Variants in LRRC4C observed in about 807,000 individuals in gnomAD.
LRRC4C encodes leucine rich repeat containing 4C.
A neutral mutation model predicts 33.6 loss-of-function variants in LRRC4C; 5 were observed. The ratio of observed to expected loss-of-function variants is 0.15; its 90% CI spans 0.08 to 0.31. The LOEUF is 0.31. LRRC4C is among the 10% of genes least tolerant of loss of function. The probability of loss-of-function intolerance (pLI) is 1.00; values close to 1 mark genes in which losing one functional copy is unlikely to be tolerated. For missense variants in LRRC4C, 560 were observed against 796.7 expected (o/e 0.70, Z 3.58); for synonymous variants, 329 against 302.0 (o/e 1.09, Z -0.93).
rs535602769 is a variant in LRRC4C, at chr11:40,831,553, T to C, written c.-407+102082A>G. The stretch of plus-strand genomic sequence containing the variant: ...AATTCAATATTAAATTGTGAGTACA[T>C]ATAACTGAAATATATAGGAATAAAA... On this transcript the variant is annotated intron_variant, in intron 2 of 6. Coordinates refer to ENST00000528697, the MANE Select transcript of LRRC4C (RefSeq NM_001258419.2). Among the ~76,000 whole-genome samples the C allele has an allele frequency of 3.0e-4, 45 of 152,274 alleles. No homozygotes were observed. The South Asian group carries it at 8.9e-3, about 30-fold the overall frequency.
chr11:41,339,191 A>G (rs1951552697), intron 1 of LRRC4C, among the ~76,000 whole-genome samples: 1 of 152,228 alleles, frequency 6.6e-6, no homozygotes, highest in Non-Finnish European at 1.5e-5. Flanking sequence ...GATGCTACAG[A>G]GGTAAAATAT....
intron 1 of LRRC4C, among the ~76,000 whole-genome samples, chr11:40,991,204 TAAAAAAAAAA>T (rs1186155913): frequency 2.9e-5 from 3 of 103,340 alleles, no homozygotes; most frequent in Non-Finnish European, 5.7e-5. Context: ...TCCCAATATG[TAAAAAAAAAA>T]AAAAAAAAAA....
chr11:41,075,585 T>A (rs920048755), intron 1 of LRRC4C, among the ~76,000 whole-genome samples: 1 of 152,152 alleles, frequency 6.6e-6, no homozygotes, highest in Non-Finnish European at 1.5e-5. Flanking sequence ...AGCACATTAA[T>A]ACACTATATC....
At chr11:40,406,677 T>C (rs1391376696) in intron 3 of LRRC4C, among the ~76,000 whole-genome samples, 2 of 152,186 alleles carry the variant, frequency 1.3e-5, no homozygotes, top group African/African-American at 4.8e-5. Flanking sequence ...TATGTTAGTT[T>C]TATAATTGCA....
At chr11:40,130,558 C>A (rs890167535) in intron 6 of LRRC4C, among the ~76,000 whole-genome samples, 1 of 152,198 alleles carries the variant, frequency 6.6e-6, no homozygotes, top group Non-Finnish European at 1.5e-5. Flanking sequence ...TCCCCAGTGC[C>A]TACAGAATTA....
At position 40,608,198 on chromosome 11, in the gene LRRC4C, C is replaced by T. The variant is rs867389502; in HGVS notation, c.-270+39944G>A. Among the ~76,000 whole-genome samples, 15 of 152,038 alleles carry T rather than the reference C, an allele frequency of 9.9e-5. No individual in the cohort carries two copies. The South Asian group carries it at 1.0e-3, about 11-fold the overall frequency. ...ACACATTAATTCTAACTATAAAATA[C>T]GTTAATAAATAACTATATTCAAAGC... On this transcript the variant is annotated intron_variant, in intron 3 of 6. Coordinates refer to ENST00000528697, the MANE Select transcript of LRRC4C (RefSeq NM_001258419.2).
chr11:40,989,437 A>G (rs1349708513), intron 1 of LRRC4C, among the ~76,000 whole-genome samples: 2 of 152,162 alleles, frequency 1.3e-5, no homozygotes, highest in Non-Finnish European at 2.9e-5. Flanking sequence ...CTATATTCCC[A>G]CTGCTAATAA....
In LRRC4C at chr11:40,845,668, T is replaced by A. The variant is rs538275064; in HGVS notation, c.-407+87967A>T. ...CTGTGCATGTGTCTTTATAGTAGGATGATTTATAATCCTTTGGGTATATAC... is the reference window on the plus strand; with the variant it reads ...CTGTGCATGTGTCTTTATAGTAGGAAGATTTATAATCCTTTGGGTATATAC... On this transcript the variant is annotated intron_variant, in intron 2 of 6. Transcript: ENST00000528697. Among the ~76,000 whole-genome samples, 71 of 152,338 alleles carry A rather than the reference T, an allele frequency of 4.7e-4. 1 individual carries two copies. The highest frequency in any genetic ancestry group is 1.6e-3 in the African/African-American group (68 of 41,574).
At chr11:41,038,400 C>A (rs1306986988) in intron 1 of LRRC4C, among the ~76,000 whole-genome samples, 2 of 152,146 alleles carry the variant, frequency 1.3e-5, no homozygotes, top group African/African-American at 2.4e-5. Context: ...ATTTCCCTAA[C>A]CTCATTTACA....
In LRRC4C at chr11:40,313,571, A is replaced by G. The variant is rs1172029502; in HGVS notation, c.-176+6057T>C. On this transcript the variant is annotated intron_variant, in intron 4 of 6. Transcript: ENST00000528697. ...TAAGACCCAAAACTATGAAACAATT[A>G]AAAGAAAACATGCTAGGAGGGGAAA... Among the ~76,000 whole-genome samples the G allele has an allele frequency of 2.7e-5, 4 of 149,924 alleles. No homozygotes were observed. In the East Asian group the frequency reaches 7.9e-4, roughly 30 times the overall value.
chr11:41,066,185 A>T (rs1177729710), intron 1 of LRRC4C, among the ~76,000 whole-genome samples: 1 of 152,164 alleles, frequency 6.6e-6, no homozygotes, highest in Non-Finnish European at 1.5e-5. Context: ...GGTTACAGGA[A>T]CTGCTAACTA....
chr11:40,386,111 A>G (rs1167177756), intron 3 of LRRC4C, among the ~76,000 whole-genome samples: 2 of 151,882 alleles, frequency 1.3e-5, no homozygotes, highest in Admixed American at 6.6e-5. Context: ...TATAAAATGT[A>G]AAAGTGTCAG....
At chr11:40,808,817 T>G (rs955811072) in intron 2 of LRRC4C, among the ~76,000 whole-genome samples, 1 of 152,228 alleles carries the variant, frequency 6.6e-6, no homozygotes, top group Non-Finnish European at 1.5e-5. Flanking sequence ...AAACAGAGGA[T>G]TGATGAAAAA....
At chr11:40,466,616 C>A (rs1218605935) in intron 3 of LRRC4C, among the ~76,000 whole-genome samples, 1 of 151,522 alleles carries the variant, frequency 6.6e-6, no homozygotes, top group Non-Finnish European at 1.5e-5. Flanking sequence ...TTACATATTA[C>A]AAAGCCTTAG....
intron 4 of LRRC4C, among the ~76,000 whole-genome samples, chr11:40,269,557 C>A (rs1318241278): frequency 6.6e-6 from 1 of 152,112 alleles, no homozygotes; most frequent in Admixed American, 6.6e-5. Flanking sequence ...TAATACTCCA[C>A]TATGTCACTC....
chr11:41,187,784 C>T (rs911147493), intron 1 of LRRC4C, among the ~76,000 whole-genome samples: 5 of 152,170 alleles, frequency 3.3e-5, no homozygotes, highest in East Asian at 1.9e-4. Context: ...TAGACGCTGC[C>T]GTGGGGCCGG....
chr11:41,007,632 A>T (rs1338787916), intron 1 of LRRC4C, among the ~76,000 whole-genome samples: 1 of 152,164 alleles, frequency 6.6e-6, no homozygotes, highest in African/African-American at 2.4e-5. Flanking sequence ...CAAATCCATG[A>T]TGTCATTGAA....
intron 2 of LRRC4C, among the ~76,000 whole-genome samples, chr11:40,710,663 C>T (rs1946415201): frequency 6.6e-6 from 1 of 152,028 alleles, no homozygotes; most frequent in Admixed American, 6.6e-5. Flanking sequence ...AGGCTACCCA[C>T]TTGAGGAGGC....
intron 3 of LRRC4C, among the ~76,000 whole-genome samples, chr11:40,352,995 C>A (rs1024951970): frequency 6.6e-6 from 1 of 152,054 alleles, no homozygotes; most frequent in Non-Finnish European, 1.5e-5. Context: ...TTTTGCAGCT[C>A]TTGGGATTGT....
Sources: gnomAD v4.1 joint callset for allele counts (sites outside exome capture counted in the v4.1 genomes callset) on GRCh38, gnomAD v4.1.1 for gene constraint, MANE v1.5 for transcripts, NCBI Gene and HGNC (gene_info 2026-07-23, HGNC 2026-07-21) for gene names.